CAST: variants seen among roughly 807,000 people sequenced by gnomAD.
CAST encodes the protein calpastatin.
A neutral mutation model predicts 119.6 loss-of-function variants in CAST; 76 were observed. The observed-to-expected ratio is 0.64, with a 90% CI of 0.53 to 0.77. The LOEUF (loss-of-function observed/expected upper bound fraction) is 0.77, where lower values mean the gene tolerates loss of function less well. Among genes scored for constraint, CAST ranks in the 30% least tolerant of loss-of-function variants. The pLI is 0.00. For synonymous variants in CAST, 319 were observed against 331.6 expected (o/e 0.96, Z 0.41); for missense variants, 953 against 946.5 (o/e 1.01, Z -0.09).
the CAST span, among the ~76,000 whole-genome samples, chr5:96,170,498 A>C: frequency 2.0e-5 from 3 of 152,200 alleles, no homozygotes; most frequent in African/African-American, 7.2e-5. Context: ...CAACTGTATT[A>C]TTGTATACCT....
the CAST span, among the ~76,000 whole-genome samples, chr5:96,132,368 T>C: frequency 6.6e-5 from 10 of 152,118 alleles, no homozygotes; most frequent in South Asian, 2.1e-4. Flanking sequence ...ATTAGGGTAA[T>C]TGAGGTATCT....
At chr5:96,308,684 T>G in the CAST span, 1 of 152,270 alleles carries the variant, frequency 6.6e-6, no homozygotes, top group Non-Finnish European at 1.5e-5. Context: ...TCCTTCTGTT[T>G]GTTAGTTTTC....
chr5:96,315,455 G>A, the CAST span, among the ~76,000 whole-genome samples: 4 of 152,176 alleles, frequency 2.6e-5, no homozygotes, highest in Non-Finnish European at 4.4e-5. Flanking sequence ...CCTTAGACTG[G>A]TCAGTATATG....
chr5:96,409,927 A>G, the CAST span, among the ~76,000 whole-genome samples: 49 of 152,322 alleles, frequency 3.2e-4, no homozygotes, highest in African/African-American at 1.2e-3. Context: ...TTGAGATGCC[A>G]TTAATAGGAA....
chr5:96,561,786 G>GGTT lies in CAST; in HGVS notation c.60+31906_60+31907insGTT, dbSNP rs1189100090. 1.2e-3 allele frequency among the ~76,000 whole-genome samples: 124 copies of GGTT among 105,366 alleles called. 1 individual carries two copies. The highest frequency in any genetic ancestry group is 1.4e-3 in the South Asian group (4 of 2,782). 69.1% of individuals were successfully genotyped at this position (105,366 alleles called of 152,430 possible). ...ATGTATATATGTGTATTATATATAT[G>GGTT]TTTTTTTTTGTTTTTTTTTTTTTTG... On this transcript the variant is annotated intron_variant, in intron 1 of 11. Transcript: ENST00000505143.
At chr5:96,588,514 C>T (rs534045182) in intron 1 of CAST, among the ~76,000 whole-genome samples, 9 of 152,212 alleles carry the variant, frequency 5.9e-5, no homozygotes, top group African/African-American at 2.2e-4. Context: ...TTCATATTTT[C>T]TTCATGCAAA....
intron 3 of CAST, among the ~76,000 whole-genome samples, chr5:96,712,465 G>T (rs1035809238): frequency 6.6e-6 from 1 of 152,068 alleles, no homozygotes; most frequent in African/African-American, 2.4e-5. Flanking sequence ...TGAGGGCCTG[G>T]GACCACAGGT....
the CAST span, among the ~76,000 whole-genome samples, chr5:96,362,509 T>C: frequency 6.6e-6 from 1 of 152,222 alleles, no homozygotes; most frequent in Admixed American, 6.5e-5. Flanking sequence ...TTTCCTGACT[T>C]TTGAATGATT....
chr5:96,596,960 G>A (rs925770546), intron 1 of CAST, among the ~76,000 whole-genome samples: 1 of 152,076 alleles, frequency 6.6e-6, no homozygotes, highest in Non-Finnish European at 1.5e-5. Context: ...TATGGACACC[G>A]GTTCTATCAG....
chr5:96,011,463 G>A, the CAST span, among the ~76,000 whole-genome samples: 1 of 152,176 alleles, frequency 6.6e-6, no homozygotes, highest in Non-Finnish European at 1.5e-5. Flanking sequence ...TGGGTACATA[G>A]TTGCCCATGT....
chr5:96,058,254 C>T, the CAST span, among the ~76,000 whole-genome samples: 2 of 152,108 alleles, frequency 1.3e-5, no homozygotes, highest in African/African-American at 4.8e-5. Context: ...CAACACCTTC[C>T]CAGGGACAGC....
the CAST span, among the ~76,000 whole-genome samples, chr5:95,974,782 T>C: frequency 1.3e-5 from 2 of 152,208 alleles, no homozygotes; most frequent in African/African-American, 2.4e-5. Context: ...CAATCCCTTA[T>C]GGTTTACAAC....
At chr5:96,024,306 A>G in the CAST span, among the ~76,000 whole-genome samples, 1 of 152,206 alleles carries the variant, frequency 6.6e-6, no homozygotes, top group Non-Finnish European at 1.5e-5. Flanking sequence ...GTGGGGAGGA[A>G]AACATATTTA....
intron 1 of CAST, among the ~76,000 whole-genome samples, chr5:96,669,003 C>T (rs1265049285): frequency 6.6e-6 from 1 of 152,158 alleles, no homozygotes; most frequent in Non-Finnish European, 1.5e-5. Context: ...AAGGGAATAC[C>T]ACCCACCCAC....
At chr5:96,054,221 T>C in the CAST span, among the ~76,000 whole-genome samples, 1 of 152,144 alleles carries the variant, frequency 6.6e-6, no homozygotes, top group Non-Finnish European at 1.5e-5. Context: ...TCTGTGTGTC[T>C]TGGGAGCTTT....
the CAST span, among the ~76,000 whole-genome samples, chr5:96,368,401 G>A: frequency 6.6e-6 from 1 of 151,642 alleles, no homozygotes; most frequent in African/African-American, 2.4e-5. Context: ...TCAGGAGGCT[G>A]AGGCAGGAGA....
the CAST span, among the ~76,000 whole-genome samples, chr5:96,376,437 A>AT: frequency 0.03 from 4,293 of 144,676 alleles, 200 homozygotes; most frequent in African/African-American, 0.1. Context: ...AATTATTTCT[A>AT]TTTTTTTTTT....
At chr5:96,414,139 A>C in the CAST span, among the ~76,000 whole-genome samples, 1 of 140,456 alleles carries the variant, frequency 7.1e-6, no homozygotes, top group African/African-American at 2.6e-5. Context: ...ACTCTGTCTA[A>C]AAAAAAAAAA....
At chr5:96,208,557 T>G in the CAST span, among the ~76,000 whole-genome samples, 3 of 152,208 alleles carry the variant, frequency 2.0e-5, no homozygotes, top group Admixed American at 2.0e-4. Context: ...GAGAATTTCC[T>G]GATTTTTGCT....
Sources: allele counts gnomAD v4.1 joint callset (sites outside exome capture counted in the v4.1 genomes callset), GRCh38; gene constraint gnomAD v4.1.1; transcripts MANE v1.5; gene names NCBI Gene and HGNC (gene_info 2026-07-23, HGNC 2026-07-21).